Variants in SCN7A observed in about 807,000 individuals in gnomAD.
SCN7A encodes the protein sodium voltage-gated channel alpha subunit 7.
In SCN7A, 138 loss-of-function variants were observed where a neutral mutation model predicts 155.2. The ratio of observed to expected loss-of-function variants is 0.89; its 90% confidence interval spans 0.77 to 1.02. SCN7A has a LOEUF of 1.02. Ranked by LOEUF, SCN7A falls within the 50% of genes least tolerant of loss-of-function variation. SCN7A has a pLI of 0.00. For synonymous variants in SCN7A, 693 were observed against 649.0 expected, an observed-to-expected ratio of 1.07 and a Z score of -1.03; for missense variants, 2,058 against 1,986.6, an observed-to-expected ratio of 1.04 and a Z score of -0.68.
chr2:166,438,283 A>C (rs992333774), intron 15 of SCN7A, among the ~76,000 whole-genome samples: 9 of 152,150 alleles, frequency 5.9e-5, no homozygotes, highest in African/African-American at 2.2e-4. Context: ...TGCTGCCATC[A>C]TGTGAAGAAG....
rs180844882 is a variant in SCN7A, at chr2:166,432,348, C to T, written c.2562G>A (p.Gln854=). ...DIENLDNKEI[Q]SKSGDGGSKE... is the part of the protein sequence containing the mutation. ...TGCTGCCTCCATCACCAGACTTACT[C>T]TGAATCTCCTTATTATCCAGATTTT... Residue 854 remains glutamine (Q), a synonymous_variant, in exon 16 of 26, where the codon CAG becomes CAA. Transcript: ENST00000643258. 194 of 1,611,502 alleles carry T rather than the reference C, an allele frequency of 1.2e-4. 1 individual carries two copies. The African/African-American group carries it at 2.3e-3, about 19-fold the overall frequency.
chr2:166,456,191 A>C (rs988092115), intron 11 of SCN7A, among the ~76,000 whole-genome samples: 4 of 152,022 alleles, frequency 2.6e-5, no homozygotes, highest in Non-Finnish European at 1.5e-5. Context: ...GGAACATCAC[A>C]CATCAGGACC....
Position 166,429,182 on chromosome 2 carries a change from C to G in SCN7A, c.2685G>C (p.Lys895Asn). 1.3e-6 allele frequency: 2 copies of G among 1,530,956 alleles called. No individual in the cohort carries two copies. The highest frequency in any genetic ancestry group is 8.8e-7 in the Non-Finnish European group (1 of 1,138,224). The allele number at this position is 1,530,956 out of a possible 1,614,324, so 94.8% of individuals were successfully genotyped here. A position where few individuals can be genotyped will look rare whatever the true frequency, so the allele number is the denominator to read the frequency against. ...AAATTTTCTTACCATTTTTCAGATG[C>G]TTTGATCTTTCACCTCCATAGAACA... is the stretch of plus-strand genomic sequence containing the variant. Reference protein sequence around the residue: ...EEMFYGGERSKHLKNGCRRGS... With the variant: ...EEMFYGGERSNHLKNGCRRGS... Residue 895 changes from lysine (K) to asparagine (N), a missense_variant, in exon 17 of 26, where the codon AAG becomes AAC. Transcript: ENST00000643258.
At chr2:166,420,760 A>G (rs988370815) in intron 20 of SCN7A, among the ~76,000 whole-genome samples, 1 of 152,050 alleles carries the variant, frequency 6.6e-6, no homozygotes, top group African/African-American at 2.4e-5. Context: ...AAGTAAATTT[A>G]TCTTAAAATT....
In SCN7A at chr2:166,462,387, A is replaced by G. The variant is rs776654314; in HGVS notation, c.1083+2T>C. 5 of 1,584,190 alleles carry G rather than the reference A, an allele frequency of 3.2e-6. No individual in the cohort carries two copies. The highest frequency in any genetic ancestry group is 3.4e-6 in the Non-Finnish European group (4 of 1,163,880). ...TACAGTACAATTTCTCTCTGTTCTT[A>G]CCTGGTGATAAAGTACTTCAGGGTA... On this transcript the variant is annotated splice_donor_variant, in intron 10 of 25. Transcript: ENST00000643258. LOFTEE classifies it high-confidence loss of function.
At chr2:166,465,045 C>T (rs12465675) in intron 9 of SCN7A, among the ~76,000 whole-genome samples, 42,940 of 152,056 alleles carry the variant, frequency 0.28, 6,621 homozygotes, top group Non-Finnish European at 0.35. Flanking sequence ...GGAGATGGGG[C>T]CTTTGATAGG....
At chr2:166,462,293 T>C in intron 10 of SCN7A, 96 bp downstream of exon 10, 2 of 1,313,386 alleles carry the variant, frequency 1.5e-6, no homozygotes, top group Non-Finnish European at 2.0e-6. Context: ...CTTCTGCACA[T>C]AAAAATTTAA....
chr2:166,485,204 T>C (rs576659363), intron 2 of SCN7A, among the ~76,000 whole-genome samples: 1 of 152,310 alleles, frequency 6.6e-6, no homozygotes, highest in Admixed American at 6.5e-5. Context: ...TCTTACCTTG[T>C]TAATCTCTCA....
intron 1 of SCN7A, among the ~76,000 whole-genome samples, chr2:166,491,489 T>G (rs562917627): frequency 1.3e-5 from 2 of 152,158 alleles, no homozygotes; most frequent in African/African-American, 2.4e-5. Context: ...AACAAATGAA[T>G]GTAAAATAAT....
At chr2:166,474,591 A>G (rs1478044133) in intron 3 of SCN7A, among the ~76,000 whole-genome samples, 1 of 151,638 alleles carries the variant, frequency 6.6e-6, no homozygotes, top group Non-Finnish European at 1.5e-5. Context: ...CACCCGAGAA[A>G]GTTGTTTGTC....
intron 2 of SCN7A, among the ~76,000 whole-genome samples, chr2:166,481,728 G>A (rs1044390476): frequency 4.6e-5 from 7 of 152,106 alleles, no homozygotes; most frequent in African/African-American, 1.7e-4. Context: ...GGTTGATTAA[G>A]TAAAATAAAA....
At chr2:166,447,207 A>G (rs1309070040) in intron 12 of SCN7A, among the ~76,000 whole-genome samples, 1 of 152,168 alleles carries the variant, frequency 6.6e-6, no homozygotes, top group Non-Finnish European at 1.5e-5. Flanking sequence ...GAACATTGTG[A>G]CTTACAATGT....
At chr2:166,435,464 A>T (rs1025313057) in intron 15 of SCN7A, among the ~76,000 whole-genome samples, 11 of 152,116 alleles carry the variant, frequency 7.2e-5, no homozygotes, top group African/African-American at 1.4e-4. Context: ...AAAACTTTTT[A>T]AAAAATTCCC....
intron 11 of SCN7A, among the ~76,000 whole-genome samples, chr2:166,448,642 G>A (rs36028931): frequency 0.14 from 20,876 of 152,026 alleles, 1,548 homozygotes; most frequent in Middle Eastern, 0.16. Flanking sequence ...TGATTTAGGA[G>A]TTCTTAAAAT....
At chr2:166,412,065 C>T (rs1701214508) in intron 23 of SCN7A, among the ~76,000 whole-genome samples, 1 of 152,024 alleles carries the variant, frequency 6.6e-6, no homozygotes, top group African/African-American at 2.4e-5. Flanking sequence ...TCAAGCACTC[C>T]TACTTAGGCC....
At chr2:166,470,840 T>G in intron 6 of SCN7A, 134 bp from the exon 7 acceptor site, 1 of 710,278 alleles carries the variant, frequency 1.4e-6, no homozygotes, top group Non-Finnish European at 2.2e-6. Context: ...GATTCCATAT[T>G]GCAAACAGTT....
intron 20 of SCN7A, among the ~76,000 whole-genome samples, chr2:166,417,354 T>C (rs1318511184): frequency 6.6e-6 from 1 of 151,960 alleles, no homozygotes. Context: ...ACACCTGTAG[T>C]CCCAACTACT....
intron 16 of SCN7A, among the ~76,000 whole-genome samples, chr2:166,431,438 A>G (rs1324431492): frequency 6.6e-6 from 1 of 152,046 alleles, no homozygotes; most frequent in East Asian, 1.9e-4. Context: ...GGTGCCACAG[A>G]TGATGGGGAC....
At chr2:166,465,324 G>C (rs1702504788) in intron 9 of SCN7A, 138 bp downstream of exon 9, 6 of 681,392 alleles carry the variant, frequency 8.8e-6, no homozygotes, top group Non-Finnish European at 1.5e-5. Flanking sequence ...AGTAGACTAA[G>C]ACAACTTCTC....
Sources: gnomAD v4.1 joint callset for allele counts (sites outside exome capture counted in the v4.1 genomes callset) on GRCh38, gnomAD v4.1.1 for gene constraint, MANE v1.5 for transcripts, NCBI Gene and HGNC (gene_info 2026-07-23, HGNC 2026-07-21) for gene names.